MPDZ: variants seen among roughly 807,000 people sequenced by gnomAD.
MPDZ encodes multiple PDZ domain protein.
A neutral mutation model predicts 239.1 loss-of-function variants in MPDZ; 234 were observed. The ratio of observed to expected loss-of-function variants is 0.98; its 90% CI spans 0.88 to 1.09. The LOEUF is 1.09. MPDZ is among the 50% of genes least tolerant of loss of function. The pLI is 0.00. For synonymous variants in MPDZ, 1,048 were observed against 881.3 expected, an observed-to-expected ratio of 1.19 and a Z score of -3.35; for missense variants, 3,175 against 2,510.0, an observed-to-expected ratio of 1.26 and a Z score of -5.66.
intron 12 of MPDZ, among the ~76,000 whole-genome samples, chr9:13,198,737 CTGTGTGTGTGTGTGTG>C (rs1554691393): frequency 2.9e-5 from 2 of 69,754 alleles, no homozygotes; most frequent in East Asian, 4.5e-4. Context: ...ATCTCTCTCT[CTGTGTGTGTGTGTGTG>C]TGTGTGTGTG....
At position 13,209,517 on chromosome 9, in the gene MPDZ, T is replaced by A. The variant is rs140257110; in HGVS notation, c.1291-3418A>T. Among the ~76,000 whole-genome samples, 519 of 152,268 alleles carry A rather than the reference T, an allele frequency of 3.4e-3. 1 individual carries two copies. Among genetic ancestry groups the A allele is most frequent in the Non-Finnish European group, 5.7e-3 (389 of 68,028 alleles). On this transcript the variant is annotated intron_variant, in intron 10 of 46. Coordinates refer to ENST00000319217, the MANE Select transcript of MPDZ (RefSeq NM_001378778.1). ...ACCATACAATCTGCAGCAGAACCCA[T>A]CTCAACTTCTATCTGTATAAGCCCA... is the stretch of plus-strand genomic sequence containing the variant.
intron 26 of MPDZ, among the ~76,000 whole-genome samples, 187 bp downstream of exon 26, chr9:13,147,361 T>C (rs1587240099): frequency 6.6e-6 from 1 of 152,072 alleles, no homozygotes; most frequent in East Asian, 1.9e-4. Flanking sequence ...AAAGTCTTTA[T>C]TAAACATGGT....
chr9:13,143,936 A>C (rs1456749147), intron 26 of MPDZ, among the ~76,000 whole-genome samples: 1 of 152,010 alleles, frequency 6.6e-6, no homozygotes, highest in Non-Finnish European at 1.5e-5. Context: ...AAAACCACAA[A>C]ATTTTTTATC....
At chr9:13,144,928 T>C (rs547890176) in intron 26 of MPDZ, among the ~76,000 whole-genome samples, 133 of 152,214 alleles carry the variant, frequency 8.7e-4, no homozygotes, top group Admixed American at 2.2e-3. Context: ...AATAATTCAA[T>C]GCTATGGAAG....
chr9:13,208,298 C>A (rs1957217241), intron 10 of MPDZ, among the ~76,000 whole-genome samples: 1 of 151,796 alleles, frequency 6.6e-6, no homozygotes, highest in Non-Finnish European at 1.5e-5. Flanking sequence ...AGAAAAATTA[C>A]CCAGGCGTAT....
chr9:13,177,860 A>G (rs917106714), intron 19 of MPDZ, among the ~76,000 whole-genome samples: 1 of 152,194 alleles, frequency 6.6e-6, no homozygotes, highest in African/African-American at 2.4e-5. Flanking sequence ...AAAATGCCCA[A>G]TAATTGTTAG....
intron 14 of MPDZ, among the ~76,000 whole-genome samples, 153 bp from the exon 15 acceptor site, chr9:13,192,448 A>G (rs1364572674): frequency 6.6e-6 from 1 of 152,172 alleles, no homozygotes; most frequent in East Asian, 1.9e-4. Context: ...AATACTATCT[A>G]AATTTATGTG....
intron 38 of MPDZ, 112 bp from the exon 39 acceptor site, chr9:13,119,761 A>G (rs974080036): frequency 1.2e-5 from 16 of 1,288,028 alleles, no homozygotes; most frequent in South Asian, 8.9e-5. Flanking sequence ...TATGACTTTA[A>G]AAGTTTTGTT....
chr9:13,133,736 TG>T, intron 32 of MPDZ, 87 bp downstream of exon 32: 1 of 910,706 alleles, frequency 1.1e-6, no homozygotes. Context: ...GCTGTTAATC[TG>T]GAGACCACAC....
chr9:13,230,357 C>T (rs1466741293), intron 3 of MPDZ, among the ~76,000 whole-genome samples: 7 of 152,098 alleles, frequency 4.6e-5, no homozygotes, highest in East Asian at 3.9e-4. Flanking sequence ...TACACAATCG[C>T]TCACAGCAGC....
At chr9:13,224,639 G>T in intron 3 of MPDZ, 56 bp from the exon 4 acceptor site, 1 of 1,173,906 alleles carries the variant, frequency 8.5e-7, no homozygotes, top group Non-Finnish European at 1.2e-6. Context: ...CTATTTCATA[G>T]AAAATATCCC....
intron 5 of MPDZ, 33 bp from the exon 6 acceptor site, chr9:13,222,479 T>C: frequency 6.5e-7 from 1 of 1,528,076 alleles, no homozygotes; most frequent in African/African-American, 1.4e-5. Flanking sequence ...TAAAAGACAA[T>C]CTGAGAGTTC....
intron 19 of MPDZ, among the ~76,000 whole-genome samples, chr9:13,178,439 A>G (rs1469469926): frequency 6.6e-6 from 1 of 152,142 alleles, no homozygotes; most frequent in Admixed American, 6.6e-5. Context: ...ATCAAGGATA[A>G]GCCATTTGTA....
chr9:13,195,274 C>T (rs1035454255), intron 13 of MPDZ, among the ~76,000 whole-genome samples: 5 of 151,938 alleles, frequency 3.3e-5, no homozygotes, highest in Non-Finnish European at 4.4e-5. Context: ...GGTGACAGAG[C>T]GAGACCTTGT....
In MPDZ at chr9:13,238,604, C is replaced by T. The variant is rs563039446; in HGVS notation, c.183+9031G>A. On this transcript the variant is annotated intron_variant, in intron 3 of 46. Transcript: ENST00000319217. ...ATTTTCTTGGTGCAAGATGACGAAC[C>T]TTGTGTATTTACCCCAGACAACAAT... Among the ~76,000 whole-genome samples the T allele has an allele frequency of 3.9e-5, 6 of 152,226 alleles. No individual in the cohort carries two copies. In the South Asian group the frequency reaches 8.3e-4, roughly 21 times the overall value.
intron 24 of MPDZ, among the ~76,000 whole-genome samples, chr9:13,156,653 G>T (rs1949855879): frequency 1.3e-5 from 2 of 152,142 alleles, no homozygotes. Context: ...TGAGATTTGG[G>T]TGGGGACACA....
chr9:13,256,205 T>C (rs10809922), intron 1 of MPDZ, among the ~76,000 whole-genome samples: 2 of 152,084 alleles, frequency 1.3e-5, no homozygotes, highest in African/African-American at 4.8e-5. Flanking sequence ...TTCACAGAAT[T>C]GAAGAGAGTT....
chr9:13,216,328 G>A (rs1958335160), intron 10 of MPDZ, among the ~76,000 whole-genome samples: 1 of 146,662 alleles, frequency 6.8e-6, no homozygotes, highest in African/African-American at 2.5e-5. Flanking sequence ...TATATCCTCA[G>A]GGCTGAAAGC....
Position 13,147,800 on chromosome 9 carries a change from G to A in MPDZ, c.3631-142C>T, listed in dbSNP as rs71507366. 2,977 of 621,420 alleles carry A rather than the reference G, an allele frequency of 4.8e-3. 28 individuals are homozygous for A. The highest frequency in any genetic ancestry group is 3.7e-3 in the Non-Finnish European group (1,327 of 355,544). 38.5% of individuals were successfully genotyped at this position (621,420 alleles called of 1,614,324 possible). On this transcript the variant is annotated intron_variant, in intron 25 of 46. Coordinates refer to ENST00000319217, the MANE Select transcript of MPDZ (RefSeq NM_001378778.1). ...AAAAATAATTGAGACTACATGTGAA[G>A]CTGCAGAACTTTCTGTCTGTCCAGC...
Sources: allele counts gnomAD v4.1 joint callset (sites outside exome capture counted in the v4.1 genomes callset), GRCh38; gene constraint gnomAD v4.1.1; transcripts MANE v1.5; gene names NCBI Gene and HGNC (gene_info 2026-07-23, HGNC 2026-07-21).